Variants in FAM168A observed in about 807,000 individuals in gnomAD.
FAM168A encodes family with sequence similarity 168 member A, also known as protein FAM168A.
In FAM168A, 3 loss-of-function variants were observed where a neutral mutation model predicts 28.5. That is an observed-to-expected ratio of 0.11 (90% CI 0.05 to 0.27). The LOEUF (loss-of-function observed/expected upper bound fraction) is 0.27. Among genes scored for constraint, FAM168A ranks in the 10% least tolerant of loss-of-function variants. FAM168A has a pLI of 1.00. For missense variants in FAM168A, 222 were observed against 311.5 expected (o/e 0.71, Z 2.16); for synonymous variants, 122 against 124.2 (o/e 0.98, Z 0.12).
At chr11:73,552,356 T>C (rs766695069) in intron 1 of FAM168A, among the ~76,000 whole-genome samples, 1 of 152,228 alleles carries the variant, frequency 6.6e-6, no homozygotes, top group Non-Finnish European at 1.5e-5. Flanking sequence ...ATTCAATACA[T>C]GGTAACATTT....
chr11:73,470,782 A>G (rs1302546767), intron 1 of FAM168A, among the ~76,000 whole-genome samples: 13 of 152,212 alleles, frequency 8.5e-5, no homozygotes, highest in Admixed American at 8.5e-4. Context: ...TAGCAGCACA[A>G]AAAGGACTAA....
chr11:73,411,153 T>A lies in FAM168A; in HGVS notation c.420+241A>T, dbSNP rs977876648. On this transcript the variant is annotated intron_variant, in intron 5 of 7. Coordinates refer to ENST00000356467, the MANE Select transcript of FAM168A (RefSeq NM_015159.3). Reference sequence around the variant, plus strand: ...GCTAGAAAATCTCTGAGGGCCTTTGTCCTCTGACATTCTGGGCTCTGTTAA... The same window carrying A: ...GCTAGAAAATCTCTGAGGGCCTTTGACCTCTGACATTCTGGGCTCTGTTAA... Among the ~76,000 whole-genome samples the A allele has an allele frequency of 3.3e-5, 5 of 152,258 alleles. No individual in the cohort carries two copies. The East Asian group carries it at 9.6e-4, about 29-fold the overall frequency.
At chr11:73,465,521 C>A (rs1190753500) in intron 2 of FAM168A, among the ~76,000 whole-genome samples, 2 of 85,746 alleles carry the variant, frequency 2.3e-5, no homozygotes, top group African/African-American at 1.9e-4. Context: ...GCTTAAACAA[C>A]AGACATTTAT....
At chr11:73,557,812 G>T (rs1312809015) in intron 1 of FAM168A, among the ~76,000 whole-genome samples, 1 of 152,098 alleles carries the variant, frequency 6.6e-6, no homozygotes, top group Admixed American at 6.5e-5. Flanking sequence ...CTCGCATAAG[G>T]ACAGGTATAT....
chr11:73,515,116 C>T (rs1473820279), intron 1 of FAM168A, among the ~76,000 whole-genome samples: 1 of 152,186 alleles, frequency 6.6e-6, no homozygotes, highest in East Asian at 1.9e-4. Flanking sequence ...CCCAAAATAG[C>T]TCCCTCTGGC....
intron 1 of FAM168A, among the ~76,000 whole-genome samples, chr11:73,569,477 A>G (rs1056306678): frequency 2.0e-5 from 3 of 152,218 alleles, no homozygotes; most frequent in Non-Finnish European, 4.4e-5. Context: ...TTCAGTTAGT[A>G]TAAATGAAAG....
intron 1 of FAM168A, among the ~76,000 whole-genome samples, chr11:73,543,984 T>C (rs1475512320): frequency 6.6e-6 from 1 of 151,990 alleles, no homozygotes; most frequent in Non-Finnish European, 1.5e-5. Flanking sequence ...TAAACAAAAT[T>C]AGCTGGGTAT....
intron 2 of FAM168A, 87 bp downstream of exon 2, chr11:73,468,318 A>T: frequency 8.1e-7 from 1 of 1,231,568 alleles, no homozygotes; most frequent in Non-Finnish European, 1.2e-6. Context: ...AGACTTTTGG[A>T]GGTATACGTT....
At chr11:73,465,765 T>C (rs1867725075) in intron 2 of FAM168A, among the ~76,000 whole-genome samples, 1 of 152,190 alleles carries the variant, frequency 6.6e-6, no homozygotes, top group African/African-American at 2.4e-5. Flanking sequence ...AAACATTCAG[T>C]TCATAGTATA....
In FAM168A at chr11:73,401,219, C is replaced by G. The variant is rs1187472864; in HGVS notation, c.*5544G>C. On this transcript the variant is annotated 3_prime_UTR_variant, in exon 8 of 8. Coordinates refer to ENST00000356467, the MANE Select transcript of FAM168A (RefSeq NM_015159.3). The stretch of plus-strand genomic sequence containing the variant: ...AAAATACAAAATCATATACAACGCT[C>G]TCTTCACAGGGATGTTACATGCCAT... 1.3e-5 allele frequency: 2 copies of G among 152,130 alleles called. No individual in the cohort carries two copies. Among genetic ancestry groups the G allele is most frequent in the Non-Finnish European group, 2.9e-5 (2 of 68,016 alleles). The allele number at this position is 152,130 out of a possible 1,614,324, so 9.4% of individuals were successfully genotyped here.
chr11:73,414,079 G>C lies in FAM168A; in HGVS notation c.278-2543C>G, dbSNP rs964047022. Among the ~76,000 whole-genome samples, 10 of 152,128 alleles carry C rather than the reference G, an allele frequency of 6.6e-5. No individual in the cohort carries two copies. The South Asian group carries it at 1.4e-3, about 22-fold the overall frequency. On this transcript the variant is annotated intron_variant, in intron 4 of 7. Coordinates refer to ENST00000356467, the MANE Select transcript of FAM168A (RefSeq NM_015159.3). ...CCCTGTCTCTTAAAGAAGGTGGGGA[G>C]GTGAACTGTGAATCTCTAAGATGGG...
chr11:73,520,759 T>C (rs1943365191), intron 1 of FAM168A, among the ~76,000 whole-genome samples: 2 of 152,000 alleles, frequency 1.3e-5, no homozygotes. Flanking sequence ...AGAACATCAA[T>C]GAGGCTCCCT....
intron 1 of FAM168A, among the ~76,000 whole-genome samples, chr11:73,518,640 GT>G (rs1467510810): frequency 6.6e-6 from 1 of 152,046 alleles, no homozygotes; most frequent in Non-Finnish European, 1.5e-5. Flanking sequence ...GCTCACACCT[GT>G]AATCCCAGTA....
intron 4 of FAM168A, among the ~76,000 whole-genome samples, chr11:73,411,938 C>A (rs1422019385): frequency 6.6e-6 from 1 of 152,188 alleles, no homozygotes; most frequent in Non-Finnish European, 1.5e-5. Flanking sequence ...TTTCTGTCTT[C>A]TCACACAGAA....
chr11:73,467,737 G>T (rs529790149), intron 2 of FAM168A, among the ~76,000 whole-genome samples: 1 of 151,730 alleles, frequency 6.6e-6, no homozygotes, highest in Non-Finnish European at 1.5e-5. Context: ...TAAGTTGCTG[G>T]AACACTCTGA....
chr11:73,587,788 C>A (rs188871936), intron 1 of FAM168A, among the ~76,000 whole-genome samples: 1 of 151,804 alleles, frequency 6.6e-6, no homozygotes, highest in African/African-American at 2.4e-5. Context: ...CTAGTTCTGT[C>A]GCCCAGGCTG....
chr11:73,503,337 A>G (rs560440450), intron 1 of FAM168A, among the ~76,000 whole-genome samples: 1 of 152,344 alleles, frequency 6.6e-6, no homozygotes, highest in East Asian at 1.9e-4. Flanking sequence ...AAAAATCACA[A>G]GCATTCCTTT....
At position 73,532,561 on chromosome 11, in the gene FAM168A, A is replaced by G. The variant is rs188770652; in HGVS notation, c.-18-64069T>C. On this transcript the variant is annotated intron_variant, in intron 1 of 7. Transcript: ENST00000356467. ...ACCAGCAATGCAACTGTATATCTTT[A>G]GAGCTTCCACTAAAGGAATCAGTTT... Among the ~76,000 whole-genome samples the G allele has an allele frequency of 1.3e-4, 20 of 152,358 alleles. No individual in the cohort carries two copies. The East Asian group carries it at 3.9e-3, about 29-fold the overall frequency.
intron 1 of FAM168A, among the ~76,000 whole-genome samples, chr11:73,582,552 A>C (rs1944260935): frequency 1.3e-5 from 2 of 152,206 alleles, no homozygotes; most frequent in Admixed American, 1.3e-4. Flanking sequence ...AGGGTAATTA[A>C]AAACCCACAT....
Sources: allele counts gnomAD v4.1 joint callset (sites outside exome capture counted in the v4.1 genomes callset), GRCh38; gene constraint gnomAD v4.1.1; transcripts MANE v1.5; gene names NCBI Gene and HGNC (gene_info 2026-07-23, HGNC 2026-07-21).